The following RASA3 variants were observed in gnomAD, a reference collection of about 807,000 sequenced individuals.
RASA3 encodes RAS p21 protein activator 3, also known as ras GTPase-activating protein 3.
Under a neutral mutation model 110.0 loss-of-function variants are expected in RASA3, and 73 were observed. The observed-to-expected ratio is 0.66, with a 90% CI of 0.55 to 0.81. The LOEUF (loss-of-function observed/expected upper bound fraction) is 0.81, where lower values mean the gene tolerates loss of function less well. Ranked by LOEUF, RASA3 falls within the 30% of genes least tolerant of loss-of-function variation. The probability of loss-of-function intolerance (pLI) is 0.00; values close to 1 mark genes in which losing one functional copy is unlikely to be tolerated. For missense variants in RASA3, 976 were observed against 1,113.2 expected, an observed-to-expected ratio of 0.88 and a Z score of 1.75; for synonymous variants, 500 against 451.4, an observed-to-expected ratio of 1.11 and a Z score of -1.37.
At chr13:114,059,392 A>ATT (rs1161219240) in intron 2 of RASA3, among the ~76,000 whole-genome samples, 3 of 152,272 alleles carry the variant, frequency 2.0e-5, no homozygotes, top group Non-Finnish European at 4.4e-5. Flanking sequence ...TCTGTGACAG[A>ATT]CGTCGCTGAA....
At chr13:114,047,731 C>A (rs1225149483) in intron 3 of RASA3, among the ~76,000 whole-genome samples, 2 of 152,238 alleles carry the variant, frequency 1.3e-5, no homozygotes, top group Admixed American at 1.3e-4. Flanking sequence ...TGGCTCACAG[C>A]CGCACAGCGC....
chr13:114,062,318 G>C (rs1214294608), intron 2 of RASA3, among the ~76,000 whole-genome samples: 1 of 151,934 alleles, frequency 6.6e-6, no homozygotes, highest in African/African-American at 2.4e-5. Context: ...ATTCATTGAG[G>C]GGGGGCTCGC....
chr13:114,024,347 C>T lies in RASA3; in HGVS notation c.612G>A (p.Arg204=), dbSNP rs371834761. 8.7e-6 allele frequency: 14 copies of T among 1,613,628 alleles called. No homozygotes were observed. Among genetic ancestry groups the T allele is most frequent in the Non-Finnish European group, 1.2e-5 (14 of 1,179,834 alleles). Residue 204 remains arginine (R), a synonymous_variant, in exon 8 of 24, where the codon CGG becomes CGA. Coordinates refer to ENST00000334062, the MANE Select transcript of RASA3 (RefSeq NM_007368.4). The part of the protein sequence containing the change: ...FDEVFYFEVT[R]PCSYSKKSHF... ...GGGACTTCTTGCTGTAGCTACAGGG[C>T]CGGGTCACCTGGAGTCAGACGAGAG...
intron 1 of RASA3, among the ~76,000 whole-genome samples, chr13:114,078,147 G>C (rs2079724105): frequency 6.6e-6 from 1 of 152,180 alleles, no homozygotes; most frequent in Non-Finnish European, 1.5e-5. Flanking sequence ...CCGGGGCCTC[G>C]CCGTGTGTGC....
chr13:114,019,751 G>A lies in RASA3; in HGVS notation c.786-832C>T, dbSNP rs560782919. 2.8e-5 allele frequency among the ~76,000 whole-genome samples: 4 copies of A among 141,980 alleles called. No homozygotes were observed. The South Asian group carries it at 7.1e-4, about 25-fold the overall frequency. 93.1% of individuals were successfully genotyped at this position (141,980 alleles called of 152,430 possible). On this transcript the variant is annotated intron_variant, in intron 9 of 23. Transcript: ENST00000334062. ...CTGTGTCTGAGACATTGGCGCCCCC[G>A]TCAGGTGGGTGGAGCCTGTGTCCGA...
chr13:114,030,472 G>GCAGAGAGCAAGA (rs2054136010), intron 4 of RASA3, among the ~76,000 whole-genome samples: 3 of 82,440 alleles, frequency 3.6e-5, no homozygotes, highest in African/African-American at 1.2e-4. Context: ...AGAGGGCAAG[G>GCAGAGAGCAAGA]CTCACACAGA....
intron 17 of RASA3, 141 bp downstream of exon 17, chr13:114,009,246 C>G (rs2053579805): frequency 2.9e-6 from 2 of 686,248 alleles, no homozygotes; most frequent in African/African-American, 3.6e-5. Flanking sequence ...CTGGACAGCG[C>G]TGTGAATGCA....
chr13:114,027,311 C>T, intron 7 of RASA3, 78 bp downstream of exon 7: 2 of 1,216,744 alleles, frequency 1.6e-6, no homozygotes, highest in Non-Finnish European at 2.4e-6. Flanking sequence ...AGACTGAGAT[C>T]ATTCTGGATC....
chr13:114,055,090 ATG>A (rs748643432), intron 2 of RASA3, among the ~76,000 whole-genome samples: 5 of 151,002 alleles, frequency 3.3e-5, no homozygotes, highest in African/African-American at 7.3e-5. Context: ...TTGTGTGTGC[ATG>A]TGTGTGCCCG....
chr13:114,034,004 G>A (rs987869006), intron 4 of RASA3, among the ~76,000 whole-genome samples: 3 of 152,242 alleles, frequency 2.0e-5, no homozygotes, highest in Non-Finnish European at 2.9e-5. Context: ...GCGGAGTATC[G>A]CCTGTGGTCC....
intron 3 of RASA3, among the ~76,000 whole-genome samples, chr13:114,050,692 G>A (rs547601668): frequency 2.6e-4 from 39 of 152,370 alleles, no homozygotes; most frequent in Non-Finnish European, 5.4e-4. Flanking sequence ...GTGGAGGCCC[G>A]GGACATGGCA....
chr13:114,042,001 A>G lies in RASA3; in HGVS notation c.278-907T>C, dbSNP rs192313834. ...CTCTAAACAGTTTCCCGTGCCTTAA[A>G]CAGGCTTAGTACTTTGGGGCTACGC... On this transcript the variant is annotated intron_variant, in intron 3 of 23. Coordinates refer to ENST00000334062, the MANE Select transcript of RASA3 (RefSeq NM_007368.4). Among the ~76,000 whole-genome samples the G allele has an allele frequency of 3.9e-5, 6 of 152,350 alleles. No individual in the cohort carries two copies. The East Asian group carries it at 1.2e-3, about 29-fold the overall frequency.
At chr13:114,000,366 GCT>G (rs1222329749) in intron 19 of RASA3, among the ~76,000 whole-genome samples, 1 of 152,102 alleles carries the variant, frequency 6.6e-6, no homozygotes, top group East Asian at 1.9e-4. Context: ...GTGGCCTCAG[GCT>G]CTGTCCCCAG....
intron 15 of RASA3, among the ~76,000 whole-genome samples, chr13:114,012,323 A>G (rs1478052190): frequency 6.6e-6 from 1 of 151,206 alleles, no homozygotes; most frequent in African/African-American, 2.4e-5. Flanking sequence ...CTCCCCACGC[A>G]CCGTCCACAC....
intron 3 of RASA3, among the ~76,000 whole-genome samples, chr13:114,044,792 G>T (rs995969337): frequency 2.6e-5 from 4 of 151,938 alleles, no homozygotes; most frequent in Non-Finnish European, 5.9e-5. Context: ...AGCTGGACAG[G>T]AGGGTCAGTT....
At chr13:114,099,462 G>A (rs566110505) in intron 1 of RASA3, among the ~76,000 whole-genome samples, 14 of 151,912 alleles carry the variant, frequency 9.2e-5, no homozygotes, top group South Asian at 6.2e-4. Flanking sequence ...TGGATTCCCC[G>A]GGGTGTCCGG....
intron 1 of RASA3, among the ~76,000 whole-genome samples, chr13:114,082,193 C>T (rs556335517): frequency 8.4e-4 from 128 of 152,346 alleles, no homozygotes; most frequent in Non-Finnish European, 1.6e-3. Context: ...CGGGGAGCTG[C>T]GGGTCTCACA....
chr13:114,078,717 C>T (rs978592435), intron 1 of RASA3, among the ~76,000 whole-genome samples: 3 of 152,262 alleles, frequency 2.0e-5, no homozygotes, highest in East Asian at 1.9e-4. Context: ...TGATCCAAAG[C>T]GTCATGACTC....
chr13:114,024,374 G>C lies in RASA3; in HGVS notation c.604-19C>G. ...GGGTCACCTGGAGTCAGACGAGAGA[G>C]AAAGCGCTGAGACCGCGGTGCCACC... On this transcript the variant is annotated intron_variant, in intron 7 of 23. Coordinates refer to ENST00000334062, the MANE Select transcript of RASA3 (RefSeq NM_007368.4). 6.2e-7 allele frequency: 1 copy of C among 1,612,288 alleles called. No individual in the cohort carries two copies. Among genetic ancestry groups the C allele is most frequent in the Non-Finnish European group, 8.5e-7 (1 of 1,178,678 alleles).
Sources: allele counts gnomAD v4.1 joint callset (sites outside exome capture counted in the v4.1 genomes callset), GRCh38; gene constraint gnomAD v4.1.1; transcripts MANE v1.5; gene names NCBI Gene and HGNC (gene_info 2026-07-23, HGNC 2026-07-21).